The following ABLIM1 variants were observed in gnomAD, a reference collection of about 807,000 sequenced individuals.
The protein encoded by ABLIM1 is actin binding LIM protein 1.
Under a neutral mutation model 107.0 loss-of-function variants are expected in ABLIM1, and 40 were observed. The ratio of observed to expected loss-of-function variants is 0.37; its 90% confidence interval spans 0.29 to 0.49. The LOEUF (loss-of-function observed/expected upper bound fraction) is 0.49. ABLIM1 is among the 20% of genes least tolerant of loss of function. The pLI is 0.97. For synonymous variants in ABLIM1, 357 were observed against 357.3 expected (o/e 1.00, Z 0.01); for missense variants, 857 against 1,008.5 (o/e 0.85, Z 2.04).
At chr10:114,500,354 G>C (rs1199824599) in intron 6 of ABLIM1, among the ~76,000 whole-genome samples, 1 of 152,102 alleles carries the variant, frequency 6.6e-6, no homozygotes, top group African/African-American at 2.4e-5. Context: ...CTGAAAATTG[G>C]ACTTTGGGCA....
chr10:114,712,271 T>G (rs913913617), intron 1 of ABLIM1, among the ~76,000 whole-genome samples: 2 of 147,656 alleles, frequency 1.4e-5, no homozygotes, highest in Non-Finnish European at 3.0e-5. Flanking sequence ...GAGAATCACT[T>G]GAACCCGGGA....
intron 2 of ABLIM1, among the ~76,000 whole-genome samples, chr10:114,581,513 T>G (rs1020709302): frequency 1.3e-5 from 2 of 152,186 alleles, no homozygotes; most frequent in Non-Finnish European, 2.9e-5. Context: ...TCCATATCAG[T>G]AGACTGAACA....
chr10:114,738,694 C>T (rs1199326970), intron 1 of ABLIM1, among the ~76,000 whole-genome samples: 1 of 152,038 alleles, frequency 6.6e-6, no homozygotes, highest in African/African-American at 2.4e-5. Context: ...GATAGTTTTA[C>T]TGTGCCTCAA....
At chr10:114,520,235 C>G (rs1337443596) in intron 6 of ABLIM1, among the ~76,000 whole-genome samples, 1 of 152,228 alleles carries the variant, frequency 6.6e-6, no homozygotes, top group African/African-American at 2.4e-5. Flanking sequence ...TACAGCATTA[C>G]ATTTATATGT....
intron 6 of ABLIM1, among the ~76,000 whole-genome samples, chr10:114,499,274 G>A (rs11196765): frequency 0.018 from 2,694 of 152,302 alleles, 43 homozygotes; most frequent in East Asian, 0.059. Context: ...TACCAAAGAC[G>A]TAGCACTGAA....
chr10:114,520,380 G>A (rs998059935), intron 6 of ABLIM1, among the ~76,000 whole-genome samples: 1 of 152,006 alleles, frequency 6.6e-6, no homozygotes, highest in Non-Finnish European at 1.5e-5. Context: ...AACTCTGTCA[G>A]GTTTAAAATT....
chr10:114,683,200 G>C (rs2080819878), intron 1 of ABLIM1, among the ~76,000 whole-genome samples: 2 of 152,166 alleles, frequency 1.3e-5, no homozygotes, highest in South Asian at 4.1e-4. Context: ...GAACAGGGGA[G>C]GGCTGTTCTT....
chr10:114,744,313 TTTACAGCAGTGTTTCTCAACCATCTG>T (rs1336311563), intron 1 of ABLIM1, among the ~76,000 whole-genome samples: 2 of 152,160 alleles, frequency 1.3e-5, no homozygotes, highest in South Asian at 4.1e-4. Context: ...ACCTCTAAAC[TTTACAGCAGTGTTTCTCAACCATCTG>T]GGGAGAAGAA....
At chr10:114,697,720 C>T (rs2081225850) in intron 1 of ABLIM1, among the ~76,000 whole-genome samples, 1 of 152,154 alleles carries the variant, frequency 6.6e-6, no homozygotes, top group African/African-American at 2.4e-5. Context: ...ACTTAGATAG[C>T]CCTAATTTTC....
Position 114,542,007 on chromosome 10 carries a change from A to AGAAGACTG in ABLIM1, c.894+2990_894+2997dup, listed in dbSNP as rs373969235. On this transcript the variant is annotated intron_variant, in intron 6 of 22. Transcript: ENST00000533213. ...GGAACACAGCTCCACATGTGGACTA[A>AGAAGACTG]GAAGACTGCAAACACGGCTGTCACA... 4.5e-3 allele frequency among the ~76,000 whole-genome samples: 676 copies of AGAAGACTG among 151,206 alleles called. 5 individuals carry two copies. Among genetic ancestry groups the AGAAGACTG allele is most frequent in the African/African-American group, 0.016 (656 of 40,524 alleles).
At chr10:114,628,159 C>T (rs77819559) in intron 1 of ABLIM1, among the ~76,000 whole-genome samples, 3,335 of 152,178 alleles carry the variant, frequency 0.022, 128 homozygotes, top group African/African-American at 0.07. Flanking sequence ...CATCTGTCAC[C>T]CTCTGTGCTC....
the ABLIM1 span, among the ~76,000 whole-genome samples, chr10:114,787,147 G>A: frequency 4.1e-5 from 6 of 146,158 alleles, no homozygotes; most frequent in South Asian, 1.3e-3. Context: ...CTGCCCTGTC[G>A]CCCCGTCCGG....
At chr10:114,526,717 C>T in intron 6 of ABLIM1, 3 of 985,526 alleles carry the variant, frequency 3.0e-6, no homozygotes, top group Non-Finnish European at 3.6e-6. Flanking sequence ...GAGCAGAGAA[C>T]TCCTCCAGGC....
In ABLIM1 at chr10:114,766,553, C is replaced by A. The variant is rs375918366; in HGVS notation, c.-213+1508G>T. Among the ~76,000 whole-genome samples the A allele has an allele frequency of 1.3e-3, 198 of 152,232 alleles. 1 individual carries two copies. Among genetic ancestry groups the A allele is most frequent in the African/African-American group, 4.6e-3 (192 of 41,544 alleles). Reference sequence around the variant, plus strand: ...CCAGAGACTAAATGAAATTGTGTGACGGCCTAACAAACTTGATGCTTCCTA... The same window carrying A: ...CCAGAGACTAAATGAAATTGTGTGAAGGCCTAACAAACTTGATGCTTCCTA... On this transcript the variant is annotated intron_variant, in intron 1 of 15. Transcript: ENST00000651092.
chr10:114,445,427 T>C, intron 15 of ABLIM1, 24 bp from the exon 16 acceptor site: 1 of 1,591,940 alleles, frequency 6.3e-7, no homozygotes, highest in African/African-American at 1.3e-5. Flanking sequence ...AAAGACAACT[T>C]CTCACATCAG....
intron 8 of ABLIM1, among the ~76,000 whole-genome samples, chr10:114,483,266 C>G (rs1047658299): frequency 6.6e-6 from 1 of 152,116 alleles, no homozygotes; most frequent in Admixed American, 6.5e-5. Flanking sequence ...GCTGCTGTAT[C>G]TGTCCATTTT....
intron 6 of ABLIM1, among the ~76,000 whole-genome samples, chr10:114,505,115 C>T (rs1415589786): frequency 6.6e-6 from 1 of 152,166 alleles, no homozygotes; most frequent in African/African-American, 2.4e-5. Context: ...GCTGGTGCTG[C>T]TCAGCGTGTG....
chr10:114,765,520 G>A (rs1030459175), intron 1 of ABLIM1, among the ~76,000 whole-genome samples: 7 of 152,198 alleles, frequency 4.6e-5, no homozygotes, highest in Non-Finnish European at 1.0e-4. Flanking sequence ...TTAAGCTTCT[G>A]GTCCTATAAG....
At chr10:114,694,781 C>A (rs11196883) in intron 1 of ABLIM1, among the ~76,000 whole-genome samples, 1 of 152,300 alleles carries the variant, frequency 6.6e-6, no homozygotes, top group East Asian at 1.9e-4. Flanking sequence ...TGAAATGTTT[C>A]TGAAGCTTAA....
Sources: allele counts gnomAD v4.1 joint callset (sites outside exome capture counted in the v4.1 genomes callset), GRCh38; gene constraint gnomAD v4.1.1; transcripts MANE v1.5; gene names NCBI Gene and HGNC (gene_info 2026-07-23, HGNC 2026-07-21).